The following FHIP2A variants were observed in gnomAD, a reference collection of about 807,000 sequenced individuals.
FHIP2A encodes family with sequence similarity 160 member B1.
FHIP2A carries 46 observed loss-of-function variants against 93.5 expected under a neutral mutation model. The observed-to-expected ratio is 0.49, with a 90% CI of 0.39 to 0.63. The LOEUF (loss-of-function observed/expected upper bound fraction) is 0.63. Among genes scored for constraint, FHIP2A ranks in the 20% least tolerant of loss-of-function variants. FHIP2A has a pLI of 0.00. For synonymous variants in FHIP2A, 332 were observed against 326.5 expected (o/e 1.02, Z -0.18); for missense variants, 769 against 909.7 (o/e 0.85, Z 1.99).
At position 114,860,847 on chromosome 10, in the gene FHIP2A, C is replaced by G. The variant is rs775941567; in HGVS notation, c.2046C>G (p.Asn682Lys). Residue 682 changes from asparagine to lysine, a missense_variant, in exon 15 of 17, where the codon AAC becomes AAG. Asn to Lys is a moderately conservative substitution (Grantham distance 94). Transcript: ENST00000369248. ...IHEYLLDPYV[N>K]LAPGCRSLFS... ...AGTACCTTTTGGATCCTTACGTGAA[C>G]CTCGCTCCTGGCTGTAGATCTCTCT... 15 of 1,613,604 alleles carry G rather than the reference C, an allele frequency of 9.3e-6. No individual in the cohort carries two copies. The highest frequency in any genetic ancestry group is 1.1e-5 in the Non-Finnish European group (13 of 1,179,556).
At chr10:114,882,941 A>G (rs954516928) in intron 16 of FHIP2A, among the ~76,000 whole-genome samples, 6 of 152,010 alleles carry the variant, frequency 3.9e-5, no homozygotes, top group African/African-American at 1.4e-4. Context: ...AGCTTGATCC[A>G]GAAGGATGAC....
At chr10:114,894,801 A>T (rs17794472) in intron 16 of FHIP2A, among the ~76,000 whole-genome samples, 2 of 151,916 alleles carry the variant, frequency 1.3e-5, no homozygotes, top group Admixed American at 6.6e-5. Flanking sequence ...CAACAAAAAA[A>T]CTGGGAACGA....
At chr10:114,897,621 T>G (rs1472995506) in intron 16 of FHIP2A, among the ~76,000 whole-genome samples, 2 of 152,194 alleles carry the variant, frequency 1.3e-5, no homozygotes, top group Non-Finnish European at 2.9e-5. Flanking sequence ...TAACAAAATA[T>G]TCACTGGGGC....
At chr10:114,833,167 T>C in intron 2 of FHIP2A, 66 bp from the exon 3 acceptor site, 1 of 1,251,812 alleles carries the variant, frequency 8.0e-7, no homozygotes, top group Non-Finnish European at 1.1e-6. Context: ...AAATACAGAG[T>C]ATTTTAGGTG....
At chr10:114,825,342 G>C (rs1368097014) in intron 1 of FHIP2A, among the ~76,000 whole-genome samples, 2 of 152,136 alleles carry the variant, frequency 1.3e-5, no homozygotes, top group African/African-American at 2.4e-5. Context: ...AGTTTTTTTA[G>C]TGTTGACTGG....
chr10:114,863,227 A>T lies in FHIP2A; in HGVS notation c.*1687A>T. 1 of 982,136 alleles carries T rather than the reference A, an allele frequency of 1.0e-6. No individual in the cohort carries two copies. The highest frequency in any genetic ancestry group is 1.2e-6 in the Non-Finnish European group (1 of 827,722). 60.8% of individuals were successfully genotyped at this position (982,136 alleles called of 1,614,324 possible). A position where few individuals can be genotyped will look rare whatever the true frequency, so the allele number is the denominator to read the frequency against. On this transcript the variant is annotated 3_prime_UTR_variant, in exon 17 of 17. Coordinates refer to ENST00000369248, the MANE Select transcript of FHIP2A (RefSeq NM_020940.4). ...AATTTTCTTTAAATCATTTTGAATG[A>T]TGTGAAGGCATTCAGTTTGCTGTAT...
At chr10:114,853,430 G>T (rs2083748108) in intron 13 of FHIP2A, among the ~76,000 whole-genome samples, 1 of 152,078 alleles carries the variant, frequency 6.6e-6, no homozygotes, top group South Asian at 2.1e-4. Context: ...GTCCACATTA[G>T]TACATGAATT....
intron 16 of FHIP2A, among the ~76,000 whole-genome samples, chr10:114,883,417 C>G (rs2083926745): frequency 6.6e-6 from 1 of 152,164 alleles, no homozygotes; most frequent in Non-Finnish European, 1.5e-5. Context: ...ATCCTCCCCT[C>G]ACAACCCACT....
chr10:114,875,009 C>T (rs2083877312), intron 16 of FHIP2A, among the ~76,000 whole-genome samples: 1 of 152,222 alleles, frequency 6.6e-6, no homozygotes, highest in Non-Finnish European at 1.5e-5. Flanking sequence ...CTGTAAAGGG[C>T]AGCGCTCGTG....
Position 114,880,129 on chromosome 10 carries a change from C to G in FHIP2A, c.2192+18795C>G, listed in dbSNP as rs186036994. The stretch of plus-strand genomic sequence containing the variant: ...CTATACGATCACACAGTGCATGATT[C>G]AATTTACATGAAATGCCCAGAACAG... On this transcript the variant is annotated intron_variant, in intron 16 of 16. Coordinates refer to the FHIP2A transcript ENST00000369250. Among the ~76,000 whole-genome samples the G allele has an allele frequency of 3.3e-3, 500 of 152,282 alleles. 2 individuals are homozygous for G. Among genetic ancestry groups the G allele is most frequent in the Non-Finnish European group, 6.0e-3 (406 of 68,028 alleles).
chr10:114,896,707 T>C (rs538636226), intron 16 of FHIP2A, among the ~76,000 whole-genome samples: 1 of 152,244 alleles, frequency 6.6e-6, no homozygotes, highest in South Asian at 2.1e-4. Context: ...TTACACATAT[T>C]GATTGATGTC....
chr10:114,884,061 G>A (rs894257687), intron 16 of FHIP2A, among the ~76,000 whole-genome samples: 6 of 152,116 alleles, frequency 3.9e-5, no homozygotes, highest in Admixed American at 6.6e-5. Flanking sequence ...ATGAATTTAC[G>A]ACCTGCCCTA....
At chr10:114,832,005 G>T (rs1481372325) in intron 2 of FHIP2A, among the ~76,000 whole-genome samples, 1 of 152,146 alleles carries the variant, frequency 6.6e-6, no homozygotes, top group East Asian at 1.9e-4. Context: ...CAGCATATCA[G>T]TACATAGCAT....
downstream of FHIP2A, among the ~76,000 whole-genome samples, chr10:114,866,588 C>T (rs987201833): frequency 2.6e-5 from 4 of 152,126 alleles, no homozygotes; most frequent in Non-Finnish European, 4.4e-5. Flanking sequence ...GTTTATTTAA[C>T]ACATATTTCT....
In FHIP2A at chr10:114,846,695, A is replaced by T; in HGVS notation, c.1535A>T (p.Asp512Val). ...AAACCTTTGTGCCCAGAAGATAAAG[A>T]TGTGGTAGAAAATGGATTGATAGCA... is the stretch of plus-strand genomic sequence containing the variant. ...EYKPLCPEDK[D>V]VVENGLIAGA... The change falls in exon 11 of 17, where the codon GAT (aspartate) becomes GTT (valine). Residue 512 changes from aspartate to valine, a missense_variant. By Grantham distance (152) the Asp-to-Val change is radical (BLOSUM62 -3). Coordinates refer to ENST00000369248, the MANE Select transcript of FHIP2A (RefSeq NM_020940.4). 1.2e-6 allele frequency: 2 copies of T among 1,606,356 alleles called. No homozygotes were observed. Among genetic ancestry groups the T allele is most frequent in the Non-Finnish European group, 1.7e-6 (2 of 1,178,240 alleles).
chr10:114,849,057 G>A (rs776910059), intron 13 of FHIP2A, among the ~76,000 whole-genome samples: 15 of 140,668 alleles, frequency 1.1e-4, no homozygotes, highest in South Asian at 9.1e-4. Flanking sequence ...CAGGAGAATC[G>A]CTTGAACCTG....
chr10:114,844,163 C>T (rs1160221403), intron 7 of FHIP2A, among the ~76,000 whole-genome samples: 2 of 152,158 alleles, frequency 1.3e-5, no homozygotes, highest in African/African-American at 4.8e-5. Context: ...GTCCATTTTA[C>T]TGATCAATTT....
Position 114,864,644 on chromosome 10 carries a change from A to C in FHIP2A, c.*3104A>C. On this transcript the variant is annotated 3_prime_UTR_variant, in exon 17 of 17. Transcript: ENST00000369248. ...TTCAAAGGAAGTTGTGATCAAGTTC[A>C]ACTTTTTGTGCTAACAATGCATGCA... is the stretch of plus-strand genomic sequence containing the variant. 1 of 985,772 alleles carries C rather than the reference A, an allele frequency of 1.0e-6. No homozygotes were observed. Among genetic ancestry groups the C allele is most frequent in the Middle Eastern group, 5.2e-4 (1 of 1,914 alleles). 61.1% of individuals were successfully genotyped at this position (985,772 alleles called of 1,614,324 possible). A position where few individuals can be genotyped will look rare whatever the true frequency, so the allele number is the denominator to read the frequency against.
chr10:114,893,259 G>T (rs1019996100), intron 16 of FHIP2A, among the ~76,000 whole-genome samples: 9 of 152,152 alleles, frequency 5.9e-5, no homozygotes, highest in African/African-American at 2.2e-4. Flanking sequence ...ATTGTATTAA[G>T]AATTTTTTAA....
Sources: allele counts gnomAD v4.1 joint callset (sites outside exome capture counted in the v4.1 genomes callset), GRCh38; gene constraint gnomAD v4.1.1; transcripts MANE v1.5; gene names NCBI Gene and HGNC (gene_info 2026-07-23, HGNC 2026-07-21).